The following MAGI2 variants were observed in gnomAD, a reference collection of about 807,000 sequenced individuals.
The protein encoded by MAGI2 is membrane associated guanylate kinase, WW and PDZ domain containing 2.
In MAGI2, 35 loss-of-function variants were observed where a neutral mutation model predicts 133.3. That is an observed-to-expected ratio of 0.26 (90% confidence interval 0.20 to 0.35). The LOEUF (loss-of-function observed/expected upper bound fraction) is 0.35. Among genes scored for constraint, MAGI2 ranks in the 10% least tolerant of loss-of-function variants. The pLI, the probability that MAGI2 is intolerant of heterozygous loss-of-function variation, is 1.00. For synonymous variants in MAGI2, 729 were observed against 710.6 expected (o/e 1.03, Z -0.41); for missense variants, 1,636 against 1,863.4 (o/e 0.88, Z 2.25).
chr7:78,418,582 A>G (rs1562967132), intron 6 of MAGI2, among the ~76,000 whole-genome samples: 1 of 152,112 alleles, frequency 6.6e-6, no homozygotes, highest in Admixed American at 6.6e-5. Flanking sequence ...GAGAAAATGA[A>G]TTTTAATTTC....
At chr7:79,088,564 G>C (rs959051720) in intron 1 of MAGI2, among the ~76,000 whole-genome samples, 1 of 152,096 alleles carries the variant, frequency 6.6e-6, no homozygotes, top group Admixed American at 6.6e-5. Flanking sequence ...GGAGTGATGA[G>C]AGAGGGCATC....
At chr7:79,449,613 G>A (rs143754699) in intron 1 of MAGI2, among the ~76,000 whole-genome samples, 1 of 151,886 alleles carries the variant, frequency 6.6e-6, no homozygotes, top group Non-Finnish European at 1.5e-5. Flanking sequence ...AACTGGGTCT[G>A]ATGCATTAAC....
chr7:78,741,377 AC>A (rs1822406402), intron 2 of MAGI2, among the ~76,000 whole-genome samples: 1 of 460 alleles, frequency 2.2e-3, no homozygotes, highest in South Asian at 0.042. Context: ...AAAAGTTGAA[AC>A]ACACACACAC....
intron 1 of MAGI2, among the ~76,000 whole-genome samples, chr7:79,200,251 A>G (rs1049260966): frequency 2.0e-5 from 3 of 151,960 alleles, no homozygotes; most frequent in African/African-American, 7.3e-5. Flanking sequence ...GAAAAGTTTT[A>G]GGCCAAGGCT....
intron 3 of MAGI2, among the ~76,000 whole-genome samples, chr7:78,569,499 A>C (rs1801288193): frequency 1.3e-5 from 2 of 152,236 alleles, no homozygotes; most frequent in African/African-American, 2.4e-5. Context: ...ATGGAAACTC[A>C]GACTTTCTTT....
intron 9 of MAGI2, among the ~76,000 whole-genome samples, chr7:78,298,351 TTAA>T (rs1422238772): frequency 1.3e-5 from 2 of 152,174 alleles, no homozygotes; most frequent in African/African-American, 2.4e-5. Flanking sequence ...TAAGGAAATC[TTAA>T]TAAAGTATAG....
chr7:79,091,193 C>A (rs1446074340), intron 1 of MAGI2, among the ~76,000 whole-genome samples: 1 of 152,020 alleles, frequency 6.6e-6, no homozygotes, highest in African/African-American at 2.4e-5. Flanking sequence ...ATTACGTTGT[C>A]TCTCAAGCTC....
intron 1 of MAGI2, among the ~76,000 whole-genome samples, chr7:79,424,390 T>G (rs934944217): frequency 1.3e-5 from 2 of 151,732 alleles, no homozygotes; most frequent in Admixed American, 1.3e-4. Context: ...AGTAGAATGG[T>G]GGTTGTGAGA....
intron 9 of MAGI2, among the ~76,000 whole-genome samples, chr7:78,282,489 T>G (rs1795713395): frequency 1.3e-5 from 2 of 152,098 alleles, no homozygotes; most frequent in Non-Finnish European, 2.9e-5. Flanking sequence ...AAATGTTGCA[T>G]CAGAGACCGT....
intron 20 of MAGI2, among the ~76,000 whole-genome samples, chr7:78,105,981 A>T (rs1042668443): frequency 1.3e-5 from 2 of 151,974 alleles, no homozygotes; most frequent in Non-Finnish European, 1.5e-5. Context: ...TTTTGTACCC[A>T]TTAACCATCC....
At chr7:78,176,478 C>A (rs939085184) in intron 14 of MAGI2, among the ~76,000 whole-genome samples, 1 of 152,082 alleles carries the variant, frequency 6.6e-6, no homozygotes, top group Non-Finnish European at 1.5e-5. Flanking sequence ...TCATCTAGTT[C>A]AACTCCTCCC....
intron 1 of MAGI2, among the ~76,000 whole-genome samples, chr7:79,261,826 T>C (rs1343979824): frequency 6.6e-6 from 1 of 152,152 alleles, no homozygotes; most frequent in East Asian, 1.9e-4. Context: ...ACCTGCACCA[T>C]TTATTGTCTA....
At chr7:78,092,780 C>A (rs375712971) in intron 20 of MAGI2, among the ~76,000 whole-genome samples, 34,773 of 151,982 alleles carry the variant, frequency 0.23, 6,370 homozygotes, top group African/African-American at 0.51. Context: ...ACATACATCC[C>A]TTGGATAATC....
Position 78,484,287 on chromosome 7 carries a change from G to A in MAGI2, c.1045+5474C>T, listed in dbSNP as rs914974826. ...TTTAATATGTATTGTAAAGCATGGC[G>A]TATGCTGTCTTTGTTCATGCACATT... On this transcript the variant is annotated intron_variant, in intron 6 of 21. Coordinates refer to ENST00000354212, the MANE Select transcript of MAGI2 (RefSeq NM_012301.4). 6.6e-5 allele frequency: 10 copies of A among 151,910 alleles called. No individual in the cohort carries two copies. The South Asian group carries it at 1.4e-3, about 22-fold the overall frequency. 9.4% of individuals were successfully genotyped at this position (151,910 alleles called of 1,614,324 possible). A position where few individuals can be genotyped will look rare whatever the true frequency, so the allele number is the denominator to read the frequency against.
At chr7:78,967,613 ATT>A (rs200790578) in intron 2 of MAGI2, among the ~76,000 whole-genome samples, 54 of 145,296 alleles carry the variant, frequency 3.7e-4, no homozygotes, top group African/African-American at 1.4e-3. Flanking sequence ...TTATGAGTTG[ATT>A]TTTTTTTTAT....
At chr7:78,555,618 G>T (rs867115976) in intron 3 of MAGI2, among the ~76,000 whole-genome samples, 6 of 152,096 alleles carry the variant, frequency 3.9e-5, no homozygotes, top group African/African-American at 7.2e-5. Context: ...CTGCACTTGG[G>T]AACTGAGTTT....
intron 1 of MAGI2, among the ~76,000 whole-genome samples, chr7:79,077,976 C>T (rs1815688341): frequency 6.6e-6 from 1 of 152,070 alleles, no homozygotes; most frequent in Non-Finnish European, 1.5e-5. Context: ...AATGTAGTAT[C>T]AATTTTGAAG....
chr7:78,082,805 T>C (rs1816127511), intron 20 of MAGI2, among the ~76,000 whole-genome samples: 1 of 152,176 alleles, frequency 6.6e-6, no homozygotes, highest in South Asian at 2.1e-4. Context: ...GGACCTGGTT[T>C]CAATGGCAAC....
At chr7:78,115,368 A>G (rs1162575120) in intron 20 of MAGI2, among the ~76,000 whole-genome samples, 6 of 152,216 alleles carry the variant, frequency 3.9e-5, no homozygotes, top group Non-Finnish European at 8.8e-5. Flanking sequence ...AGAATTAAAT[A>G]CAAGTATAAG....
Sources: gnomAD v4.1 joint callset for allele counts (sites outside exome capture counted in the v4.1 genomes callset) on GRCh38, gnomAD v4.1.1 for gene constraint, MANE v1.5 for transcripts, NCBI Gene and HGNC (gene_info 2026-07-23, HGNC 2026-07-21) for gene names.